Variants in CSMD1 observed in about 807,000 individuals in gnomAD.
The protein encoded by CSMD1 is CUB and Sushi multiple domains 1, also known as CUB and sushi domain-containing protein 1.
CSMD1 carries 213 observed loss-of-function variants against 417.5 expected under a neutral mutation model. That is an observed-to-expected ratio of 0.51 (90% confidence interval 0.46 to 0.57). The LOEUF is 0.57. Among genes scored for constraint, CSMD1 ranks in the 20% least tolerant of loss-of-function variants. CSMD1 has a pLI of 0.00. For missense variants in CSMD1, 6,923 were observed against 4,529.7 expected, an observed-to-expected ratio of 1.53 and a Z score of -15.17; for synonymous variants, 2,862 against 1,736.8, an observed-to-expected ratio of 1.65 and a Z score of -16.11.
At chr8:3,669,641 A>C (rs1277242815) in intron 7 of CSMD1, among the ~76,000 whole-genome samples, 2 of 152,166 alleles carry the variant, frequency 1.3e-5, no homozygotes, top group Non-Finnish European at 2.9e-5. Flanking sequence ...CGCTGGGTAC[A>C]TCATTTATTA....
chr8:3,354,641 A>C (rs1228194450), intron 21 of CSMD1, among the ~76,000 whole-genome samples: 2 of 151,950 alleles, frequency 1.3e-5, no homozygotes, highest in Non-Finnish European at 2.9e-5. Context: ...TTATCCTATA[A>C]ACCTTTATTT....
intron 2 of CSMD1, among the ~76,000 whole-genome samples, chr8:4,586,070 T>C (rs1799683855): frequency 6.6e-6 from 1 of 152,232 alleles, no homozygotes; most frequent in African/African-American, 2.4e-5. Flanking sequence ...GTACACATGA[T>C]ATTTTCACAC....
chr8:4,684,204 C>T (rs1456112083), intron 1 of CSMD1, among the ~76,000 whole-genome samples: 4 of 152,286 alleles, frequency 2.6e-5, no homozygotes, highest in African/African-American at 7.2e-5. Flanking sequence ...AATAAGGACA[C>T]GAGAAGTTCA....
chr8:4,502,310 T>C (rs974139025), intron 2 of CSMD1, among the ~76,000 whole-genome samples: 4 of 152,116 alleles, frequency 2.6e-5, no homozygotes, highest in African/African-American at 9.7e-5. Flanking sequence ...GTCTTTACAG[T>C]AATACGAGGA....
chr8:4,262,145 C>T (rs1050501985), intron 3 of CSMD1, among the ~76,000 whole-genome samples: 1 of 152,082 alleles, frequency 6.6e-6, no homozygotes, highest in African/African-American at 2.4e-5. Flanking sequence ...TCTAATTCTG[C>T]TATTTGTAGA....
At chr8:4,084,602 A>C (rs553272446) in intron 3 of CSMD1, among the ~76,000 whole-genome samples, 1 of 152,254 alleles carries the variant, frequency 6.6e-6, no homozygotes, top group African/African-American at 2.4e-5. Flanking sequence ...GAGAGAGAAA[A>C]TGAAAGCGAG....
intron 2 of CSMD1, among the ~76,000 whole-genome samples, chr8:4,567,528 G>A (rs902943223): frequency 3.3e-5 from 5 of 152,132 alleles, no homozygotes; most frequent in African/African-American, 7.2e-5. Context: ...CAGGTAGACT[G>A]TGAAAACAGA....
chr8:3,823,775 C>G (rs893063675), intron 5 of CSMD1, among the ~76,000 whole-genome samples: 1 of 152,006 alleles, frequency 6.6e-6, no homozygotes, highest in Admixed American at 6.6e-5. Flanking sequence ...ATACTTTTGT[C>G]AGTCTTGGTC....
intron 6 of CSMD1, among the ~76,000 whole-genome samples, chr8:3,727,002 A>G (rs1802537219): frequency 6.6e-6 from 1 of 152,186 alleles, no homozygotes; most frequent in Non-Finnish European, 1.5e-5. Context: ...TGTGAACACA[A>G]ACCCTCAATA....
chr8:4,215,160 C>T (rs1235964285), intron 3 of CSMD1, among the ~76,000 whole-genome samples: 1 of 152,162 alleles, frequency 6.6e-6, no homozygotes. Flanking sequence ...GCATCCCAAA[C>T]AGGGGCTGAT....
intron 3 of CSMD1, among the ~76,000 whole-genome samples, chr8:4,173,353 T>C (rs1797869245): frequency 6.6e-6 from 1 of 152,110 alleles, no homozygotes; most frequent in African/African-American, 2.4e-5. Context: ...ATTCAGTATG[T>C]GGTGATGCTG....
chr8:3,780,370 G>C (rs774407023), intron 5 of CSMD1, among the ~76,000 whole-genome samples: 7 of 152,308 alleles, frequency 4.6e-5, no homozygotes, highest in Non-Finnish European at 8.8e-5. Context: ...AAACAATCAA[G>C]AGGCGGCCTG....
intron 1 of CSMD1, among the ~76,000 whole-genome samples, chr8:4,751,649 C>A (rs1012315484): frequency 2.1e-4 from 32 of 151,966 alleles, no homozygotes; most frequent in African/African-American, 7.7e-4. Context: ...CCACTATCAC[C>A]CTCAGTGAAT....
intron 3 of CSMD1, among the ~76,000 whole-genome samples, chr8:4,175,405 C>T (rs181831379): frequency 2.1e-4 from 32 of 152,226 alleles, no homozygotes; most frequent in Non-Finnish European, 3.7e-4. Context: ...CTGCGCTATA[C>T]TTTTATTGTT....
chr8:4,083,563 C>G (rs4875085), intron 3 of CSMD1, among the ~76,000 whole-genome samples: 24,368 of 152,072 alleles, frequency 0.16, 2,366 homozygotes, highest in South Asian at 0.33. Flanking sequence ...TGATCTTTGA[C>G]AAACCTGACA....
chr8:4,061,650 G>A (rs1182116894), intron 3 of CSMD1, among the ~76,000 whole-genome samples: 1 of 152,172 alleles, frequency 6.6e-6, no homozygotes, highest in African/African-American at 2.4e-5. Flanking sequence ...GATGGACTGT[G>A]TGGAAAGACT....
At chr8:3,948,610 A>G (rs373252373) in intron 5 of CSMD1, among the ~76,000 whole-genome samples, 2 of 152,164 alleles carry the variant, frequency 1.3e-5, no homozygotes, top group Admixed American at 6.5e-5. Flanking sequence ...TTTAACATCA[A>G]TTCCACATAC....
chr8:3,849,960 C>A (rs1190583912), intron 5 of CSMD1, among the ~76,000 whole-genome samples: 2 of 151,856 alleles, frequency 1.3e-5, no homozygotes, highest in African/African-American at 4.8e-5. Context: ...GAATTACAGG[C>A]ACCCACTACC....
At chr8:3,644,978 A>AAAAAAAAAAAAAAT (rs1797505375) in intron 7 of CSMD1, among the ~76,000 whole-genome samples, 1 of 150,948 alleles carries the variant, frequency 6.6e-6, no homozygotes, top group African/African-American at 2.4e-5. Flanking sequence ...AAAAAAAAAA[A>AAAAAAAAAAAAAAT]AAAAAAAAAA....
Sources: gnomAD v4.1 joint callset for allele counts (sites outside exome capture counted in the v4.1 genomes callset) on GRCh38, gnomAD v4.1.1 for gene constraint, MANE v1.5 for transcripts, NCBI Gene and HGNC (gene_info 2026-07-23, HGNC 2026-07-21) for gene names.